Variants in ALPK1 observed in about 807,000 individuals in gnomAD.
ALPK1 encodes alpha kinase 1, also known as alpha-protein kinase 1.
In ALPK1, 110 loss-of-function variants were observed where a neutral mutation model predicts 120.6. That is an observed-to-expected ratio of 0.91 (90% CI 0.78 to 1.07). ALPK1 has a LOEUF of 1.07. Among genes scored for constraint, ALPK1 ranks in the 50% least tolerant of loss-of-function variants. The probability of loss-of-function intolerance (pLI) is 0.00; values close to 1 mark genes in which losing one functional copy is unlikely to be tolerated. For synonymous variants in ALPK1, 582 were observed against 560.3 expected (o/e 1.04, Z -0.55); for missense variants, 1,498 against 1,483.9 (o/e 1.01, Z -0.16).
At chr4:112,423,877 G>T in intron 5 of ALPK1, 67 bp from the exon 6 acceptor site, 2 of 1,513,324 alleles carry the variant, frequency 1.3e-6, no homozygotes, top group South Asian at 2.3e-5. Context: ...CTTAGAACAT[G>T]AACAACTTGT....
chr4:112,363,009 TAC>T (rs1197587377), intron 2 of ALPK1, among the ~76,000 whole-genome samples: 26 of 152,198 alleles, frequency 1.7e-4, no homozygotes, highest in Non-Finnish European at 2.8e-4. Context: ...GAAGGAAAGA[TAC>T]AGTCTTTTTC....
chr4:112,362,692 C>T (rs1426861432), intron 2 of ALPK1, among the ~76,000 whole-genome samples: 1 of 152,188 alleles, frequency 6.6e-6, no homozygotes, highest in Admixed American at 6.5e-5. Flanking sequence ...AGTTCCCTGT[C>T]CTTGCTAGAG....
At position 112,432,407 on chromosome 4, in the gene ALPK1, A is replaced by G; in HGVS notation, c.2860A>G (p.Ser954Gly). Residue 954 changes from serine to glycine, a missense_variant, in exon 11 of 16, where the codon AGT (serine) becomes GGT (glycine). Transcript: ENST00000650871. The stretch of plus-strand genomic sequence containing the variant: ...CAGCCCTTGGTCCTATCTGAATTCC[A>G]GTGGGAGTTCTTGGGTTTCATTGCC... Reference protein sequence around the residue: ...GDSPWSYLNSSGSSWVSLPGK... With the variant: ...GDSPWSYLNSGGSSWVSLPGK... The G allele has an allele frequency of 6.2e-7, 1 of 1,614,142 alleles. No individual in the cohort carries two copies. The highest frequency in any genetic ancestry group is 8.5e-7 in the Non-Finnish European group (1 of 1,180,020).
intron 12 of ALPK1, among the ~76,000 whole-genome samples, chr4:112,436,010 G>A (rs1322091669): frequency 6.6e-6 from 1 of 152,112 alleles, no homozygotes; most frequent in African/African-American, 2.4e-5. Context: ...AACCACAGGT[G>A]GTCTTCATTG....
rs183467739 is a variant in ALPK1 at position 112,316,480 on chromosome 4, T to C, written c.-101+628T>C. ...CATGTAATGGACATGGGTATATAAA[T>C]ATCTCCTTGAGTTCCTGCTTTCAAT... On this transcript the variant is annotated intron_variant, in intron 2 of 15. Transcript: ENST00000650871. Among the ~76,000 whole-genome samples the C allele has an allele frequency of 2.1e-3, 323 of 152,328 alleles. 4 individuals are homozygous for C. The highest frequency in any genetic ancestry group is 1.0e-3 in the Non-Finnish European group (68 of 68,026).
chr4:112,310,333 A>G (rs1433710568), intron 1 of ALPK1, among the ~76,000 whole-genome samples: 1 of 152,132 alleles, frequency 6.6e-6, no homozygotes, highest in Non-Finnish European at 1.5e-5. Context: ...AACATTTGAG[A>G]GGCTCCAGAT....
chr4:112,421,163 G>A (rs1294160336), intron 5 of ALPK1, among the ~76,000 whole-genome samples: 3 of 152,036 alleles, frequency 2.0e-5, no homozygotes, highest in Admixed American at 6.6e-5. Flanking sequence ...ACATCTCAGC[G>A]TACTCCATGC....
chr4:112,410,064 T>C (rs1355964627), intron 4 of ALPK1, among the ~76,000 whole-genome samples: 3 of 152,248 alleles, frequency 2.0e-5, no homozygotes, highest in Admixed American at 6.5e-5. Flanking sequence ...ACAAATATCC[T>C]GTAACCAATT....
At chr4:112,415,957 A>G (rs1030821745) in intron 5 of ALPK1, among the ~76,000 whole-genome samples, 1 of 152,240 alleles carries the variant, frequency 6.6e-6, no homozygotes, top group African/African-American at 2.4e-5. Context: ...TGTATTTATT[A>G]TCATCAGCTT....
intron 2 of ALPK1, chr4:112,357,957 G>T: frequency 1.3e-6 from 1 of 761,028 alleles, no homozygotes; most frequent in Non-Finnish European, 2.3e-6. Flanking sequence ...CCTCCCCCGG[G>T]GTCTACCGGC....
intron 2 of ALPK1, chr4:112,356,466 T>G: frequency 1.0e-6 from 1 of 953,140 alleles, no homozygotes; most frequent in East Asian, 2.5e-5. Context: ...CATTTACGCC[T>G]TTAGGACCCA....
chr4:112,435,224 C>T lies in ALPK1; in HGVS notation c.3111C>T (p.Tyr1037=), dbSNP rs1292252874. 1 of 1,613,454 alleles carries T rather than the reference C, an allele frequency of 6.2e-7. No homozygotes were observed. Among genetic ancestry groups the T allele is most frequent in the African/African-American group, 1.3e-5 (1 of 74,802 alleles). ...AAACTATTGTCTATTTGGGGGACTA[C>T]TTGACTGTGAAGAAAAAAGGCAGAC... is the stretch of plus-strand genomic sequence containing the variant. ...AQETIVYLGD[Y]LTVKKKGRQR... Residue 1037 remains tyrosine, a synonymous_variant, in exon 12 of 16, where the codon TAC becomes TAT. Transcript: ENST00000650871.
chr4:112,376,820 C>T (rs1296667726), intron 2 of ALPK1, among the ~76,000 whole-genome samples: 1 of 152,142 alleles, frequency 6.6e-6, no homozygotes, highest in Non-Finnish European at 1.5e-5. Flanking sequence ...ACAGCAGCTC[C>T]ACTATCTATT....
intron 4 of ALPK1, among the ~76,000 whole-genome samples, chr4:112,391,202 C>T (rs1435384414): frequency 6.6e-6 from 1 of 152,106 alleles, no homozygotes; most frequent in Non-Finnish European, 1.5e-5. Context: ...TATGCCAGTC[C>T]CTAGCAGAAG....
chr4:112,324,978 G>T (rs561643931), intron 2 of ALPK1, among the ~76,000 whole-genome samples: 3 of 140,960 alleles, frequency 2.1e-5, no homozygotes, highest in Non-Finnish European at 3.1e-5. Flanking sequence ...AAAAAAAGGG[G>T]GGGGGGGGCA....
chr4:112,307,365 G>A (rs1379112910), intron 1 of ALPK1, among the ~76,000 whole-genome samples: 8 of 152,114 alleles, frequency 5.3e-5, no homozygotes, highest in East Asian at 3.9e-4. Context: ...AAACTCTCCC[G>A]TTATTATTGT....
Position 112,361,296 on chromosome 4 carries a change from T to C in ALPK1, c.-100-16382T>C, listed in dbSNP as rs181074682. On this transcript the variant is annotated intron_variant, in intron 2 of 15. Transcript: ENST00000650871. ...AGCTTGCTTTCTCAGTTGGGAGGCT[T>C]GTAACCTGTGACAAGTTCTCAGCCC... 2.7e-3 allele frequency among the ~76,000 whole-genome samples: 412 copies of C among 152,260 alleles called. 6 individuals are homozygous for C. The highest frequency in any genetic ancestry group is 9.6e-4 in the Non-Finnish European group (65 of 68,016).
At chr4:112,368,873 T>G (rs1009115802) in intron 2 of ALPK1, among the ~76,000 whole-genome samples, 4 of 152,198 alleles carry the variant, frequency 2.6e-5, no homozygotes, top group African/African-American at 9.7e-5. Context: ...CAGTCTCCAC[T>G]TAAATTCCTA....
Position 112,411,817 on chromosome 4 carries a change from G to A in ALPK1, c.277-10G>A, listed in dbSNP as rs754416973. On this transcript the variant is annotated splice_polypyrimidine_tract_variant and intron_variant, in intron 4 of 15. Coordinates refer to ENST00000650871, the MANE Select transcript of ALPK1 (RefSeq NM_025144.4). ...CGCCTGGCTCACGATGTTCCACGCT[G>A]TTCCTCCAGGCGTCCCTGAGGGCCT... 3 of 1,605,248 alleles carry A rather than the reference G, an allele frequency of 1.9e-6. No individual in the cohort carries two copies. Among genetic ancestry groups the A allele is most frequent in the South Asian group, 2.2e-5 (2 of 89,754 alleles).
Sources: gnomAD v4.1 joint callset for allele counts (sites outside exome capture counted in the v4.1 genomes callset) on GRCh38, gnomAD v4.1.1 for gene constraint, MANE v1.5 for transcripts, NCBI Gene and HGNC (gene_info 2026-07-23, HGNC 2026-07-21) for gene names.